FBXO16: variants seen among roughly 807,000 people sequenced by gnomAD.
The protein encoded by FBXO16 is F-box only protein 16.
A neutral mutation model predicts 41.0 loss-of-function variants in FBXO16; 31 were observed. The ratio of observed to expected loss-of-function variants is 0.76; its 90% CI spans 0.57 to 1.02. The LOEUF is 1.02. FBXO16 is among the 50% of genes least tolerant of loss of function. The pLI is 0.00. For synonymous variants in FBXO16, 133 were observed against 117.8 expected (o/e 1.13, Z -0.84); for missense variants, 361 against 346.2 (o/e 1.04, Z -0.34).
At chr8:28,478,065 G>T (rs1169999423) in intron 2 of FBXO16, among the ~76,000 whole-genome samples, 1 of 152,068 alleles carries the variant, frequency 6.6e-6, no homozygotes, top group African/African-American at 2.4e-5. Context: ...CTATGTGTGT[G>T]ACTCTGCATT....
intron 5 of FBXO16, among the ~76,000 whole-genome samples, chr8:28,453,050 C>T (rs1221294934): frequency 6.6e-6 from 1 of 152,150 alleles, no homozygotes; most frequent in African/African-American, 2.4e-5. Context: ...TCCAGGAGTA[C>T]TTGCCATGTT....
intron 4 of FBXO16, among the ~76,000 whole-genome samples, chr8:28,459,101 A>T (rs1803083376): frequency 6.6e-6 from 1 of 152,200 alleles, no homozygotes; most frequent in African/African-American, 2.4e-5. Flanking sequence ...TAATAATATT[A>T]TCCTTGTGGA....
intron 3 of FBXO16, among the ~76,000 whole-genome samples, chr8:28,470,628 T>C (rs1314467508): frequency 1.3e-5 from 2 of 152,232 alleles, no homozygotes; most frequent in African/African-American, 4.8e-5. Context: ...GCTCTTCAAT[T>C]TTTGCCATAT....
At chr8:28,471,972 C>T (rs917180278) in intron 3 of FBXO16, among the ~76,000 whole-genome samples, 3 of 152,056 alleles carry the variant, frequency 2.0e-5, no homozygotes, top group African/African-American at 4.8e-5. Context: ...AACATTGTTA[C>T]AGTTCTTGTA....
intron 5 of FBXO16, among the ~76,000 whole-genome samples, chr8:28,454,610 C>T (rs925068200): frequency 6.6e-6 from 1 of 151,082 alleles, no homozygotes; most frequent in African/African-American, 2.5e-5. Flanking sequence ...CGCCTGTAGT[C>T]CCAGCTACTC....
At chr8:28,472,037 G>C (rs1050633796) in intron 3 of FBXO16, among the ~76,000 whole-genome samples, 1 of 152,018 alleles carries the variant, frequency 6.6e-6, no homozygotes, top group Non-Finnish European at 1.5e-5. Context: ...AGCCAAATGG[G>C]TAAACTGTGC....
intron 3 of FBXO16, among the ~76,000 whole-genome samples, chr8:28,466,229 GAA>G (rs930593432): frequency 6.6e-6 from 1 of 151,032 alleles, no homozygotes; most frequent in African/African-American, 2.5e-5. Flanking sequence ...AACTCCATCT[GAA>G]AAAACAAAAC....
At chr8:28,459,479 G>A (rs1461162105) in intron 4 of FBXO16, among the ~76,000 whole-genome samples, 2 of 151,600 alleles carry the variant, frequency 1.3e-5, no homozygotes, top group African/African-American at 4.8e-5. Context: ...TTAGCTGGGC[G>A]TGGTGACATG....
chr8:28,435,621 G>A (rs1201766603), intron 7 of FBXO16, among the ~76,000 whole-genome samples: 2 of 152,168 alleles, frequency 1.3e-5, no homozygotes, highest in Non-Finnish European at 2.9e-5. Context: ...AGAATGGGGA[G>A]TGCATGCTGA....
chr8:28,483,336 CT>C lies in FBXO16; in HGVS notation c.99+11del, dbSNP rs1563371393. On this transcript the variant is annotated intron_variant, in intron 2 of 8. Transcript: ENST00000380254. ...CATGGATTCAATTGTTAAAATAGTTCTGGTCACTTACCCGGTCATTCAATAG... is the reference window on the plus strand; with the variant it reads ...CATGGATTCAATTGTTAAAATAGTTCGGTCACTTACCCGGTCATTCAATAG... 2.5e-6 allele frequency: 4 copies of C among 1,594,526 alleles called. 1 individual carries two copies. The South Asian group carries it at 4.6e-5, about 18-fold the overall frequency.
At chr8:28,433,956 AT>A (rs773888558) in intron 7 of FBXO16, among the ~76,000 whole-genome samples, 3,842 of 118,236 alleles carry the variant, frequency 0.032, 138 homozygotes, top group African/African-American at 0.12. Context: ...TCACTCCCTG[AT>A]TTTTTTTTTT....
intron 3 of FBXO16, among the ~76,000 whole-genome samples, chr8:28,466,251 C>CA (rs1461759363): frequency 3.3e-5 from 5 of 150,946 alleles, no homozygotes; most frequent in East Asian, 3.9e-4. Flanking sequence ...CAAAACAAAA[C>CA]AAAAAAACAG....
intron 3 of FBXO16, 136 bp downstream of exon 3, chr8:28,473,635 GT>G: frequency 1.3e-6 from 1 of 762,036 alleles, no homozygotes; most frequent in Non-Finnish European, 2.2e-6. Flanking sequence ...AAATGTCTGG[GT>G]TTTTTTCTTT....
chr8:28,474,427 T>A (rs1409495967), intron 2 of FBXO16, among the ~76,000 whole-genome samples: 4 of 150,878 alleles, frequency 2.7e-5, no homozygotes, highest in African/African-American at 7.3e-5. Context: ...AAAGAAATTT[T>A]AAAAATGGAA....
intron 2 of FBXO16, 73 bp from the exon 3 acceptor site, chr8:28,473,880 A>C (rs1803376491): frequency 8.1e-6 from 9 of 1,114,250 alleles, no homozygotes; most frequent in Non-Finnish European, 9.3e-6. Context: ...GAAAGATACC[A>C]TTAAGGGATC....
chr8:28,483,340 T>A lies in FBXO16; in HGVS notation c.99+8A>T, dbSNP rs768441189. Reference sequence around the variant, plus strand: ...GATTCAATTGTTAAAATAGTTCTGGTCACTTACCCGGTCATTCAATAGCTG... The same window carrying A: ...GATTCAATTGTTAAAATAGTTCTGGACACTTACCCGGTCATTCAATAGCTG... On this transcript the variant is annotated splice_region_variant and intron_variant, in intron 2 of 8. Coordinates refer to ENST00000380254, the MANE Select transcript of FBXO16 (RefSeq NM_172366.4). The A allele has an allele frequency of 3.8e-6, 6 of 1,599,874 alleles. No individual in the cohort carries two copies. The South Asian group carries it at 6.8e-5, about 18-fold the overall frequency.
At chr8:28,478,439 A>G (rs1359016008) in intron 2 of FBXO16, among the ~76,000 whole-genome samples, 1 of 152,130 alleles carries the variant, frequency 6.6e-6, no homozygotes, top group African/African-American at 2.4e-5. Flanking sequence ...GTGGAAGTAT[A>G]AAAACCAGAC....
At chr8:28,461,798 G>A (rs966182815) in intron 4 of FBXO16, among the ~76,000 whole-genome samples, 2 of 152,040 alleles carry the variant, frequency 1.3e-5, no homozygotes, top group Admixed American at 1.3e-4. Context: ...TAAGACTTCT[G>A]GGTATCATGG....
chr8:28,460,780 G>A (rs1431103055), intron 4 of FBXO16, among the ~76,000 whole-genome samples: 1 of 151,948 alleles, frequency 6.6e-6, no homozygotes, highest in Non-Finnish European at 1.5e-5. Context: ...ATGTTCCCAG[G>A]CTAGAGTACA....
Sources: gnomAD v4.1 joint callset for allele counts (sites outside exome capture counted in the v4.1 genomes callset) on GRCh38, gnomAD v4.1.1 for gene constraint, MANE v1.5 for transcripts, NCBI Gene and HGNC (gene_info 2026-07-23, HGNC 2026-07-21) for gene names.